B3GALT1: variants seen among roughly 807,000 people sequenced by gnomAD.
The protein encoded by B3GALT1 is beta-1,3-galactosyltransferase 1, also known as UDP-Gal:betaGlcNAc beta 1,3-galactosyltransferase, polypeptide 1.
B3GALT1 carries 10 observed loss-of-function variants against 23.2 expected under a neutral mutation model. The ratio of observed to expected loss-of-function variants is 0.43; its 90% confidence interval spans 0.27 to 0.73. The LOEUF (loss-of-function observed/expected upper bound fraction) is 0.73, where lower values mean the gene tolerates loss of function less well. Among genes scored for constraint, B3GALT1 ranks in the 30% least tolerant of loss-of-function variants. The probability of loss-of-function intolerance (pLI) is 0.21; values close to 1 mark genes in which losing one functional copy is unlikely to be tolerated. For missense variants in B3GALT1, 299 were observed against 405.4 expected (o/e 0.74, Z 2.25); for synonymous variants, 156 against 141.5 (o/e 1.10, Z -0.73).
At chr2:167,396,532 A>G (rs529062761) in intron 1 of B3GALT1, among the ~76,000 whole-genome samples, 8 of 79,626 alleles carry the variant, frequency 1.0e-4, no homozygotes, top group South Asian at 4.3e-4. Flanking sequence ...ATATATATAT[A>G]TATGTGTGTG....
intron 1 of B3GALT1, among the ~76,000 whole-genome samples, chr2:167,416,294 C>G (rs528537829): frequency 6.6e-6 from 1 of 152,292 alleles, no homozygotes; most frequent in South Asian, 2.1e-4. Context: ...TAGTCCTCCT[C>G]AGCCACCCCA....
chr2:167,415,045 A>G (rs1461980997), intron 1 of B3GALT1, among the ~76,000 whole-genome samples: 1 of 152,180 alleles, frequency 6.6e-6, no homozygotes, highest in South Asian at 2.1e-4. Context: ...AATGAGATAG[A>G]TATGTTATAC....
At chr2:167,672,319 T>G (rs1414026538) in intron 3 of B3GALT1, among the ~76,000 whole-genome samples, 1 of 152,136 alleles carries the variant, frequency 6.6e-6, no homozygotes, top group Non-Finnish European at 1.5e-5. Context: ...ATTTTCTCAA[T>G]TTACTAAAAA....
rs1021280741 is a variant in B3GALT1 at position 167,871,074 on chromosome 2, G to A, written c.*1054G>A. 4 of 152,644 alleles carry A rather than the reference G, an allele frequency of 2.6e-5. No individual in the cohort carries two copies. The highest frequency in any genetic ancestry group is 5.9e-5 in the Non-Finnish European group (4 of 68,036). 9.5% of individuals were successfully genotyped at this position (152,644 alleles called of 1,614,324 possible). On this transcript the variant is annotated 3_prime_UTR_variant, in exon 5 of 5. Transcript: ENST00000392690. ...TACTTGCTAACATCTGAAAACACCAGAGCATGTTCAGCAGCAATGCTGTTA... is the reference window on the plus strand; with the variant it reads ...TACTTGCTAACATCTGAAAACACCAAAGCATGTTCAGCAGCAATGCTGTTA...
chr2:167,864,051 G>C (rs1488612148), intron 4 of B3GALT1, among the ~76,000 whole-genome samples: 3 of 150,792 alleles, frequency 2.0e-5, no homozygotes. Context: ...TCATAGAAAA[G>C]AACCTGCAAT....
At chr2:167,702,524 A>G (rs1259718459) in intron 3 of B3GALT1, among the ~76,000 whole-genome samples, 1 of 152,226 alleles carries the variant, frequency 6.6e-6, no homozygotes, top group Non-Finnish European at 1.5e-5. Context: ...CATTTACAGG[A>G]ATTAAATGTT....
At chr2:167,500,890 A>G (rs189820643) in intron 2 of B3GALT1, among the ~76,000 whole-genome samples, 2 of 152,268 alleles carry the variant, frequency 1.3e-5, no homozygotes, top group Admixed American at 1.3e-4. Context: ...ATAACCTTTG[A>G]TTGTTAGAAC....
At chr2:167,749,395 A>G (rs1687699251) in intron 3 of B3GALT1, among the ~76,000 whole-genome samples, 1 of 152,142 alleles carries the variant, frequency 6.6e-6, no homozygotes, top group Non-Finnish European at 1.5e-5. Flanking sequence ...TTCACCTCTC[A>G]ATATAGACCC....
At chr2:167,586,177 T>A (rs1434117537) in intron 2 of B3GALT1, among the ~76,000 whole-genome samples, 4 of 152,208 alleles carry the variant, frequency 2.6e-5, no homozygotes, top group African/African-American at 7.2e-5. Context: ...TAGATTCAAT[T>A]TATAAGAGAC....
chr2:167,854,103 T>C (rs996857015), intron 4 of B3GALT1, among the ~76,000 whole-genome samples: 1 of 152,210 alleles, frequency 6.6e-6, no homozygotes, highest in Admixed American at 6.5e-5. Context: ...ATATTTCTCT[T>C]GGACAATGCC....
intron 3 of B3GALT1, among the ~76,000 whole-genome samples, chr2:167,747,103 A>G (rs1179541551): frequency 6.6e-6 from 1 of 152,046 alleles, no homozygotes; most frequent in Non-Finnish European, 1.5e-5. Flanking sequence ...TAATGAGTTC[A>G]GCTTTTGCCA....
At chr2:167,776,721 A>G (rs1002706258) in intron 3 of B3GALT1, among the ~76,000 whole-genome samples, 1 of 152,230 alleles carries the variant, frequency 6.6e-6, no homozygotes, top group African/African-American at 2.4e-5. Flanking sequence ...GGGAACTTAT[A>G]TAACTTCAGT....
At chr2:167,565,053 A>C (rs1033532696) in intron 2 of B3GALT1, among the ~76,000 whole-genome samples, 32 of 152,236 alleles carry the variant, frequency 2.1e-4, no homozygotes, top group African/African-American at 7.7e-4. Flanking sequence ...TGCCAAGTCA[A>C]TCCTAAGCCA....
intron 2 of B3GALT1, among the ~76,000 whole-genome samples, chr2:167,560,637 A>C (rs1317573756): frequency 6.6e-6 from 1 of 151,744 alleles, no homozygotes; most frequent in Non-Finnish European, 1.5e-5. Flanking sequence ...GAAAACAAAA[A>C]AAGGCAGGGG....
intron 3 of B3GALT1, among the ~76,000 whole-genome samples, chr2:167,767,263 G>A (rs1687994870): frequency 6.6e-6 from 1 of 152,146 alleles, no homozygotes; most frequent in African/African-American, 2.4e-5. Flanking sequence ...AATTTGAAGT[G>A]GATGTTCTGC....
At chr2:167,486,964 T>A (rs1261125080) in intron 1 of B3GALT1, among the ~76,000 whole-genome samples, 1 of 152,098 alleles carries the variant, frequency 6.6e-6, no homozygotes, top group Non-Finnish European at 1.5e-5. Flanking sequence ...AACATGAGAT[T>A]TAAAAATGTT....
At chr2:167,540,858 A>G (rs1194394886) in intron 2 of B3GALT1, among the ~76,000 whole-genome samples, 7 of 152,236 alleles carry the variant, frequency 4.6e-5, no homozygotes, top group Admixed American at 3.9e-4. Context: ...TCATTCAAAC[A>G]AGGCTACCAA....
chr2:167,507,593 A>G (rs537167012), intron 2 of B3GALT1, among the ~76,000 whole-genome samples: 2 of 151,904 alleles, frequency 1.3e-5, no homozygotes, highest in East Asian at 3.9e-4. Flanking sequence ...TTTTTTACTG[A>G]AACTTAATGG....
rs539004882 is a variant in B3GALT1 at position 167,568,332 on chromosome 2, C to G, written c.-410+78055C>G. 9.2e-5 allele frequency among the ~76,000 whole-genome samples: 14 copies of G among 152,140 alleles called. No individual in the cohort carries two copies. In the East Asian group the frequency reaches 1.2e-3, roughly 13 times the overall value. ...CCTGCCAAACTGTCTTCCAAAGTAC[C>G]TATACCATTCTGCATTCCCAGTAGC... On this transcript the variant is annotated intron_variant, in intron 2 of 4. Transcript: ENST00000392690.
Sources: gnomAD v4.1 joint callset for allele counts (sites outside exome capture counted in the v4.1 genomes callset) on GRCh38, gnomAD v4.1.1 for gene constraint, MANE v1.5 for transcripts, NCBI Gene and HGNC (gene_info 2026-07-23, HGNC 2026-07-21) for gene names.